Variants in TTC17 observed in about 807,000 individuals in gnomAD.
TTC17 encodes tetratricopeptide repeat protein 17.
Under a neutral mutation model 143.8 loss-of-function variants are expected in TTC17, and 58 were observed. The observed-to-expected ratio is 0.40, with a 90% CI of 0.33 to 0.50. TTC17 has a LOEUF of 0.50. Among genes scored for constraint, TTC17 ranks in the 20% least tolerant of loss-of-function variants. The probability of loss-of-function intolerance (pLI) is 0.49; values close to 1 mark genes in which losing one functional copy is unlikely to be tolerated. For missense variants in TTC17, 1,273 were observed against 1,392.5 expected, an observed-to-expected ratio of 0.91 and a Z score of 1.37; for synonymous variants, 501 against 497.8, an observed-to-expected ratio of 1.01 and a Z score of -0.09.
At chr11:43,391,091 A>G (rs1044850966) in intron 3 of TTC17, among the ~76,000 whole-genome samples, 2 of 152,034 alleles carry the variant, frequency 1.3e-5, no homozygotes, top group African/African-American at 4.8e-5. Flanking sequence ...ATATGGGGAA[A>G]ATTTGACATT....
chr11:43,483,700 A>G (rs1948328659), intron 21 of TTC17, among the ~76,000 whole-genome samples: 1 of 152,242 alleles, frequency 6.6e-6, no homozygotes. Flanking sequence ...TAATGTGGTG[A>G]AAATAATCAA....
At chr11:43,422,387 T>C (rs968582655) in intron 16 of TTC17, among the ~76,000 whole-genome samples, 16 of 152,312 alleles carry the variant, frequency 1.1e-4, no homozygotes, top group African/African-American at 3.6e-4. Flanking sequence ...ATGAGTGTTA[T>C]AATGATGGGG....
At chr11:43,388,124 A>G (rs1026022862) in intron 2 of TTC17, among the ~76,000 whole-genome samples, 1 of 152,220 alleles carries the variant, frequency 6.6e-6, no homozygotes, top group Non-Finnish European at 1.5e-5. Context: ...GGAGACATTT[A>G]TAAGAATATA....
chr11:43,486,370 G>A, intron 21 of TTC17: 1 of 439,778 alleles, frequency 2.3e-6, no homozygotes. Context: ...TTATCAGATT[G>A]AAAAAAAATA....
At chr11:43,384,619 A>G (rs1049090986) in intron 2 of TTC17, among the ~76,000 whole-genome samples, 3 of 152,318 alleles carry the variant, frequency 2.0e-5, no homozygotes, top group Non-Finnish European at 4.4e-5. Context: ...GCACCACACC[A>G]CTGCACTCTA....
At chr11:43,379,607 G>GT (rs1470718034) in intron 2 of TTC17, among the ~76,000 whole-genome samples, 8 of 152,000 alleles carry the variant, frequency 5.3e-5, no homozygotes, top group African/African-American at 1.9e-4. Flanking sequence ...GTGTTTTTAA[G>GT]TTTTTTCCAT....
Position 43,379,219 on chromosome 11 carries a change from T to C in TTC17, c.160-14T>C. On this transcript the variant is annotated splice_polypyrimidine_tract_variant and intron_variant, in intron 1 of 23. Coordinates refer to ENST00000039989, the MANE Select transcript of TTC17 (RefSeq NM_018259.6). ...ATGAAATCCGAGCTTTATTTATTTA[T>C]TGCTTGCTTGCAGGTGGATTCACCA... The C allele has an allele frequency of 6.2e-7, 1 of 1,609,126 alleles. No homozygotes were observed. Among genetic ancestry groups the C allele is most frequent in the Non-Finnish European group, 8.5e-7 (1 of 1,177,380 alleles).
At chr11:43,440,671 G>A (rs544243192) in intron 16 of TTC17, among the ~76,000 whole-genome samples, 6 of 152,046 alleles carry the variant, frequency 3.9e-5, no homozygotes, top group African/African-American at 7.2e-5. Context: ...CCCCAGTTCC[G>A]ATACACAAAC....
intron 21 of TTC17, among the ~76,000 whole-genome samples, chr11:43,487,381 C>T (rs1001246134): frequency 9.2e-5 from 14 of 152,220 alleles, no homozygotes; most frequent in African/African-American, 2.9e-4. Flanking sequence ...CCTGACCTCA[C>T]GTGATCTGCC....
At chr11:43,454,880 A>T (rs1231792243) in intron 21 of TTC17, among the ~76,000 whole-genome samples, 3 of 151,982 alleles carry the variant, frequency 2.0e-5, no homozygotes, top group Non-Finnish European at 4.4e-5. Context: ...CCAGACAAAA[A>T]ATTAATAAGG....
In TTC17 at chr11:43,379,261, C is replaced by T; in HGVS notation, c.188C>T (p.Pro63Leu). The T allele has an allele frequency of 1.9e-6, 3 of 1,612,500 alleles. No individual in the cohort carries two copies. The highest frequency in any genetic ancestry group is 2.5e-6 in the Non-Finnish European group (3 of 1,179,538). Reference sequence around the variant, plus strand: ...GATTCACCAATGAACTTGAAGCATCCTCATGACCTAGTCATATTAATGAGA... The same window carrying T: ...GATTCACCAATGAACTTGAAGCATCTTCATGACCTAGTCATATTAATGAGA... ...QVDSPMNLKH[P>L]HDLVILMRQE... Residue 63 changes from proline (P) to leucine (L), a missense_variant, in exon 2 of 24, where the codon CCT becomes CTT. Coordinates refer to ENST00000039989, the MANE Select transcript of TTC17 (RefSeq NM_018259.6).
intron 6 of TTC17, 144 bp from the exon 7 acceptor site, chr11:43,397,203 C>T (rs191418526): frequency 5.7e-6 from 5 of 874,452 alleles, no homozygotes; most frequent in African/African-American, 3.4e-5. Context: ...GATTAAGAGC[C>T]ATCAATAATT....
At chr11:43,374,035 G>C (rs997052810) in intron 1 of TTC17, among the ~76,000 whole-genome samples, 49 of 152,260 alleles carry the variant, frequency 3.2e-4, no homozygotes, top group African/African-American at 1.1e-3. Context: ...TGGAGTTGGA[G>C]TATCTAATAA....
At chr11:43,367,045 A>G (rs1017625422) in intron 1 of TTC17, among the ~76,000 whole-genome samples, 2 of 152,204 alleles carry the variant, frequency 1.3e-5, no homozygotes, top group Admixed American at 6.5e-5. Context: ...AGGATCTACC[A>G]TACTGTGTTG....
In TTC17 at chr11:43,359,074, G is replaced by T. The variant is rs769994730; in HGVS notation, c.120G>T (p.Thr40=). The T allele has an allele frequency of 3.1e-6, 5 of 1,589,742 alleles. No individual in the cohort carries two copies. Among genetic ancestry groups the T allele is most frequent in the African/African-American group, 2.7e-5 (2 of 72,906 alleles). ...CGGCACGAGGGGCCTTCGCCACCAC[G>T]CACTGGGTCGTCACGGAGGACGGGA... ...SVAARGAFAT[T]HWVVTEDGKI... is the part of the protein sequence containing the mutation. The change falls in exon 1 of 24, where the codon ACG becomes ACT. Residue 40 remains threonine (T), a synonymous_variant. Transcript: ENST00000039989.
Position 43,401,576 on chromosome 11 carries a change from G to T in TTC17, c.1332+18G>T. ...ATGTTCAGGTCTTTTTCTTGGTCCA[G>T]TCTAATTCTTATAAACGTTTGCTTT... On this transcript the variant is annotated intron_variant, in intron 10 of 23. Coordinates refer to ENST00000039989, the MANE Select transcript of TTC17 (RefSeq NM_018259.6). The T allele has an allele frequency of 6.6e-7, 1 of 1,521,072 alleles. No individual in the cohort carries two copies. Among genetic ancestry groups the T allele is most frequent in the Non-Finnish European group, 9.0e-7 (1 of 1,116,836 alleles). The allele number at this position is 1,521,072 out of a possible 1,614,324, so 94.2% of individuals were successfully genotyped here.
intron 15 of TTC17, among the ~76,000 whole-genome samples, chr11:43,411,141 G>A (rs750388002): frequency 4.6e-5 from 7 of 152,184 alleles, no homozygotes; most frequent in Non-Finnish European, 1.0e-4. Flanking sequence ...ATACGAATTT[G>A]TAATGATGTA....
intron 21 of TTC17, among the ~76,000 whole-genome samples, chr11:43,489,341 T>C (rs1247032212): frequency 1.3e-5 from 2 of 152,184 alleles, no homozygotes; most frequent in African/African-American, 2.4e-5. Flanking sequence ...AAACCACATT[T>C]CTCACCCATC....
intron 2 of TTC17, among the ~76,000 whole-genome samples, chr11:43,381,423 A>T (rs1396600541): frequency 1.3e-5 from 2 of 152,134 alleles, no homozygotes; most frequent in African/African-American, 4.8e-5. Flanking sequence ...AGCACTGTGG[A>T]GTTAAGGGAG....
Sources: gnomAD v4.1 joint callset for allele counts (sites outside exome capture counted in the v4.1 genomes callset) on GRCh38, gnomAD v4.1.1 for gene constraint, MANE v1.5 for transcripts, NCBI Gene and HGNC (gene_info 2026-07-23, HGNC 2026-07-21) for gene names.